The following LTBP1 variants were observed in gnomAD, a reference collection of about 807,000 sequenced individuals.
The protein encoded by LTBP1 is latent transforming growth factor beta binding protein 1, also known as latent-transforming growth factor beta-binding protein 1.
A neutral mutation model predicts 207.6 loss-of-function variants in LTBP1; 129 were observed. That is an observed-to-expected ratio of 0.62 (90% CI 0.54 to 0.72). The LOEUF is 0.72. Ranked by LOEUF, LTBP1 falls within the 30% of genes least tolerant of loss-of-function variation. LTBP1 has a pLI of 0.00. For missense variants in LTBP1, 2,281 were observed against 2,217.2 expected (o/e 1.03, Z -0.58); for synonymous variants, 963 against 833.7 (o/e 1.16, Z -2.67).
rs1018365893 is a variant in LTBP1 at position 33,345,444 on chromosome 2, G to T, written c.3857-1923G>T. 6.3e-4 allele frequency among the ~76,000 whole-genome samples: 96 copies of T among 152,234 alleles called. 1 individual carries two copies. Among genetic ancestry groups the T allele is most frequent in the Non-Finnish European group, 1.6e-4 (11 of 68,044 alleles). On this transcript the variant is annotated intron_variant, in intron 25 of 33. Transcript: ENST00000404816. ...TGATTGAATTATTGCAGTCTGATGGGATAGAGTTTATTAGCCATGTCAATA... is the reference window on the plus strand; with the variant it reads ...TGATTGAATTATTGCAGTCTGATGGTATAGAGTTTATTAGCCATGTCAATA...
At chr2:33,207,658 A>G (rs1416601452) in intron 7 of LTBP1, among the ~76,000 whole-genome samples, 1 of 152,242 alleles carries the variant, frequency 6.6e-6, no homozygotes, top group Non-Finnish European at 1.5e-5. Context: ...TCTGCATTGT[A>G]CAGTGCTCTT....
chr2:33,161,004 CA>C (rs2084415472), intron 5 of LTBP1, among the ~76,000 whole-genome samples: 2 of 152,114 alleles, frequency 1.3e-5, no homozygotes, highest in Non-Finnish European at 2.9e-5. Context: ...GTTATTGGGA[CA>C]ATGTGTACAC....
At chr2:33,286,311 C>G (rs1281316752) in intron 19 of LTBP1, among the ~76,000 whole-genome samples, 2 of 152,148 alleles carry the variant, frequency 1.3e-5, no homozygotes, top group Admixed American at 1.3e-4. Flanking sequence ...CAGTCTTAAC[C>G]AAGACCTGGC....
intron 5 of LTBP1, among the ~76,000 whole-genome samples, chr2:33,178,562 T>A (rs535293822): frequency 2.4e-4 from 36 of 152,234 alleles, no homozygotes; most frequent in Non-Finnish European, 4.8e-4. Flanking sequence ...TGCATTGAGG[T>A]TGATCTTTTC....
chr2:33,111,260 C>T (rs991986325), intron 4 of LTBP1, among the ~76,000 whole-genome samples: 1 of 152,090 alleles, frequency 6.6e-6, no homozygotes, highest in Admixed American at 6.5e-5. Context: ...TATCAGTGGC[C>T]AGCTTGGTTA....
chr2:33,062,815 G>T lies in LTBP1; in HGVS notation c.863+41609G>T, dbSNP rs544643163. ...GATAGCTACTAAGTGACGAATGTGT[G>T]GGTAGTATGTGCAGTGTGGATATGC... On this transcript the variant is annotated intron_variant, in intron 3 of 33. Transcript: ENST00000404816. Among the ~76,000 whole-genome samples the T allele has an allele frequency of 3.9e-5, 6 of 152,312 alleles. No individual in the cohort carries two copies. In the South Asian group the frequency reaches 1.2e-3, roughly 32 times the overall value.
At chr2:33,154,466 A>G (rs2083788313) in intron 5 of LTBP1, among the ~76,000 whole-genome samples, 1 of 152,124 alleles carries the variant, frequency 6.6e-6, no homozygotes, top group African/African-American at 2.4e-5. Flanking sequence ...AGAATATTTT[A>G]TTTATTGTAT....
intron 5 of LTBP1, among the ~76,000 whole-genome samples, chr2:33,181,422 A>G (rs896198792): frequency 2.6e-5 from 4 of 152,228 alleles, no homozygotes; most frequent in African/African-American, 4.8e-5. Context: ...GTGGAATACA[A>G]CTGAAACGCC....
intron 10 of LTBP1, among the ~76,000 whole-genome samples, chr2:33,245,517 C>T (rs1248121743): frequency 6.6e-6 from 1 of 152,128 alleles, no homozygotes; most frequent in South Asian, 2.1e-4. Flanking sequence ...TTTCTGTGTT[C>T]TTTTACAAAC....
chr2:33,331,408 T>C (rs981308673), intron 24 of LTBP1, among the ~76,000 whole-genome samples: 2 of 152,108 alleles, frequency 1.3e-5, no homozygotes, highest in African/African-American at 2.4e-5. Context: ...TTTTGATATG[T>C]TGTATTTTGT....
At chr2:33,062,863 C>T (rs2077335277) in intron 3 of LTBP1, among the ~76,000 whole-genome samples, 1 of 152,148 alleles carries the variant, frequency 6.6e-6, no homozygotes, top group African/African-American at 2.4e-5. Flanking sequence ...TGAGTCATGT[C>T]CCAGGTGGGA....
intron 9 of LTBP1, among the ~76,000 whole-genome samples, chr2:33,228,890 A>C (rs1281423976): frequency 6.6e-6 from 1 of 151,362 alleles, no homozygotes; most frequent in South Asian, 2.1e-4. Flanking sequence ...TAGTAGAGAC[A>C]GGGTTTCACC....
intron 3 of LTBP1, among the ~76,000 whole-genome samples, chr2:33,073,614 A>G (rs183314029): frequency 3.2e-4 from 48 of 152,040 alleles, no homozygotes; most frequent in Non-Finnish European, 5.7e-4. Flanking sequence ...GCTCTGAAAC[A>G]TCAGTTTTTC....
intron 10 of LTBP1, 84 bp from the exon 11 acceptor site, chr2:33,252,593 C>T: frequency 7.7e-7 from 1 of 1,295,962 alleles, no homozygotes; most frequent in Non-Finnish European, 1.1e-6. Flanking sequence ...TAATTCATAC[C>T]TTAGGGTTCA....
chr2:33,227,333 T>G (rs1262563487), intron 9 of LTBP1, among the ~76,000 whole-genome samples: 1 of 152,174 alleles, frequency 6.6e-6, no homozygotes, highest in Non-Finnish European at 1.5e-5. Flanking sequence ...GGCCTTTTTG[T>G]ATTATTTTAA....
intron 32 of LTBP1, among the ~76,000 whole-genome samples, chr2:33,389,779 G>A (rs2095299622): frequency 6.6e-6 from 1 of 152,198 alleles, no homozygotes; most frequent in Non-Finnish European, 1.5e-5. Flanking sequence ...AGCTGGGATT[G>A]CAGGCACGCA....
rs1379980892 is a variant in LTBP1, at chr2:33,398,816, A to G, written c.*271A>G. Reference sequence around the variant, plus strand: ...AGAGGTGGAACAGTGCTGTTATTTTAAACAGAAGGTTGTATTATTATGTTG... The same window carrying G: ...AGAGGTGGAACAGTGCTGTTATTTTGAACAGAAGGTTGTATTATTATGTTG... On this transcript the variant is annotated 3_prime_UTR_variant, in exon 34 of 34. Coordinates refer to ENST00000404816, the MANE Select transcript of LTBP1 (RefSeq NM_206943.4). 7.7e-6 allele frequency: 2 copies of G among 260,540 alleles called. No individual in the cohort carries two copies. Among genetic ancestry groups the G allele is most frequent in the African/African-American group, 4.4e-5 (2 of 45,474 alleles). The allele number at this position is 260,540 out of a possible 1,614,324, so 16.1% of individuals were successfully genotyped here.
chr2:33,198,814 G>C (rs944293194), intron 7 of LTBP1, among the ~76,000 whole-genome samples: 17 of 151,828 alleles, frequency 1.1e-4, no homozygotes, highest in African/African-American at 4.1e-4. Flanking sequence ...TCTTGCTAGC[G>C]GTCTATCAAT....
chr2:33,115,061 C>T (rs984371622), intron 4 of LTBP1, among the ~76,000 whole-genome samples: 1 of 150,720 alleles, frequency 6.6e-6, no homozygotes, highest in Non-Finnish European at 1.5e-5. Flanking sequence ...CACACACACA[C>T]ACACACACAC....
Sources: gnomAD v4.1 joint callset for allele counts (sites outside exome capture counted in the v4.1 genomes callset) on GRCh38, gnomAD v4.1.1 for gene constraint, MANE v1.5 for transcripts, NCBI Gene and HGNC (gene_info 2026-07-23, HGNC 2026-07-21) for gene names.